Variants in MAML2 observed in about 807,000 individuals in gnomAD.
MAML2 encodes the protein mastermind-like protein 2.
In MAML2, 22 loss-of-function variants were observed where a neutral mutation model predicts 96.1. The observed-to-expected ratio is 0.23, with a 90% CI of 0.16 to 0.33. MAML2 has a LOEUF of 0.33. Among genes scored for constraint, MAML2 ranks in the 10% least tolerant of loss-of-function variants. The pLI is 1.00. For synonymous variants in MAML2, 561 were observed against 521.3 expected (o/e 1.08, Z -1.04); for missense variants, 1,367 against 1,392.4 (o/e 0.98, Z 0.29).
At chr11:96,087,774 C>G (rs1046629116) in intron 2 of MAML2, among the ~76,000 whole-genome samples, 1 of 152,212 alleles carries the variant, frequency 6.6e-6, no homozygotes, top group African/African-American at 2.4e-5. Flanking sequence ...CTGGCACCAG[C>G]CTAATTGGGT....
chr11:96,284,672 C>G (rs73531120), intron 1 of MAML2, among the ~76,000 whole-genome samples: 3,534 of 152,284 alleles, frequency 0.023, 119 homozygotes, highest in African/African-American at 0.08. Flanking sequence ...GACCAGAACT[C>G]TGCTAGCAAA....
At position 96,333,834 on chromosome 11, in the gene MAML2, A is replaced by G. The variant is rs1234962074; in HGVS notation, c.513+7549T>C. 2.6e-5 allele frequency among the ~76,000 whole-genome samples: 4 copies of G among 152,262 alleles called. No individual in the cohort carries two copies. In the East Asian group the frequency reaches 7.7e-4, roughly 29 times the overall value. On this transcript the variant is annotated intron_variant, in intron 1 of 4. Transcript: ENST00000524717. ...AATTATTCATTAATTTCAATTAATA[A>G]TTCAATTAAATTGGTAAGTTTGTCT...
At chr11:96,149,087 T>G (rs1860875157) in intron 1 of MAML2, among the ~76,000 whole-genome samples, 1 of 152,138 alleles carries the variant, frequency 6.6e-6, no homozygotes, top group African/African-American at 2.4e-5. Context: ...CCCAGTCATG[T>G]GCCTCATCCA....
At chr11:96,093,910 C>G (rs1163034096) in intron 1 of MAML2, among the ~76,000 whole-genome samples, 1 of 152,206 alleles carries the variant, frequency 6.6e-6, no homozygotes, top group Non-Finnish European at 1.5e-5. Context: ...CTCGCAGCTA[C>G]AGATGATCAG....
intron 1 of MAML2, among the ~76,000 whole-genome samples, chr11:96,276,651 T>C (rs1208837992): frequency 2.0e-5 from 3 of 151,900 alleles, no homozygotes; most frequent in Non-Finnish European, 4.4e-5. Flanking sequence ...CGTAGTTAAA[T>C]GGATCCACAC....
chr11:96,241,107 G>A (rs368271431), intron 1 of MAML2, among the ~76,000 whole-genome samples: 306 of 152,226 alleles, frequency 2.0e-3, no homozygotes, highest in African/African-American at 3.1e-3. Context: ...CAACACCATC[G>A]GCTGTTGTGA....
chr11:96,301,360 A>C (rs906631206), intron 1 of MAML2, among the ~76,000 whole-genome samples: 17 of 152,196 alleles, frequency 1.1e-4, no homozygotes, highest in African/African-American at 3.9e-4. Context: ...GTACAACTGG[A>C]GAATGAGGGC....
chr11:96,008,643 C>G (rs928979881), intron 2 of MAML2, among the ~76,000 whole-genome samples: 2 of 152,186 alleles, frequency 1.3e-5, no homozygotes, highest in African/African-American at 4.8e-5. Flanking sequence ...GTTTTAAAAA[C>G]AGCCCTCTTC....
At chr11:96,149,027 G>C (rs1000205912) in intron 1 of MAML2, among the ~76,000 whole-genome samples, 1 of 152,136 alleles carries the variant, frequency 6.6e-6, no homozygotes, top group Non-Finnish European at 1.5e-5. Flanking sequence ...CCCTCTTAAA[G>C]GTTCCAGTAG....
rs1590994455 is a variant in MAML2 at position 96,072,134 on chromosome 11, C to G, written c.2139+19758G>C. The stretch of plus-strand genomic sequence containing the variant: ...AAAATTTCAAGTAGCTATAGAATAT[C>G]TCTAATTCCTCTCTGGCTACCATTA... On this transcript the variant is annotated intron_variant, in intron 2 of 4. Coordinates refer to ENST00000524717, the MANE Select transcript of MAML2 (RefSeq NM_032427.4). Among the ~76,000 whole-genome samples, 5 of 152,018 alleles carry G rather than the reference C, an allele frequency of 3.3e-5. No homozygotes were observed. The South Asian group carries it at 1.0e-3, about 31-fold the overall frequency.
intron 1 of MAML2, among the ~76,000 whole-genome samples, chr11:96,117,266 A>G (rs4753729): frequency 0.38 from 58,160 of 151,338 alleles, 12,138 homozygotes; most frequent in East Asian, 0.74. Flanking sequence ...TGACATACCC[A>G]GTATCTGTCA....
intron 4 of MAML2, among the ~76,000 whole-genome samples, chr11:95,983,417 A>G (rs1857773598): frequency 6.6e-6 from 1 of 152,200 alleles, no homozygotes; most frequent in East Asian, 1.9e-4. Flanking sequence ...GTGGGGAGAA[A>G]AAGCTAGACA....
chr11:96,143,692 T>C lies in MAML2; in HGVS notation c.514-50175A>G, dbSNP rs76758179. ...CAACATTAATTCCTTGCACATATTT[T>C]GTGCTTTTAGACTCCAAGAATGATA... is the stretch of plus-strand genomic sequence containing the variant. On this transcript the variant is annotated intron_variant, in intron 1 of 4. Transcript: ENST00000524717. Among the ~76,000 whole-genome samples, 750 of 152,340 alleles carry C rather than the reference T, an allele frequency of 4.9e-3. 13 individuals carry two copies. The highest frequency in any genetic ancestry group is 0.016 in the African/African-American group (665 of 41,574).
At chr11:96,183,372 C>T (rs1440474033) in intron 1 of MAML2, among the ~76,000 whole-genome samples, 4 of 149,160 alleles carry the variant, frequency 2.7e-5, no homozygotes, top group African/African-American at 7.5e-5. Context: ...CTCTTCCTTC[C>T]TCCTTCCCTT....
chr11:96,283,931 T>A (rs971768264), intron 1 of MAML2, among the ~76,000 whole-genome samples: 1 of 152,210 alleles, frequency 6.6e-6, no homozygotes, highest in Non-Finnish European at 1.5e-5. Context: ...CCTCATCTCC[T>A]ACTTAATCCA....
chr11:96,153,127 G>A (rs1860950282), intron 1 of MAML2, among the ~76,000 whole-genome samples: 1 of 151,746 alleles, frequency 6.6e-6, no homozygotes, highest in South Asian at 2.1e-4. Context: ...ATAAAATTTA[G>A]GCCCCATCTG....
intron 2 of MAML2, among the ~76,000 whole-genome samples, chr11:96,006,916 C>T (rs1053531879): frequency 8.9e-5 from 13 of 145,926 alleles, no homozygotes; most frequent in South Asian, 2.2e-4. Context: ...CACACACACA[C>T]GAGTATTTTA....
chr11:96,018,424 A>G (rs1042366971), intron 2 of MAML2, among the ~76,000 whole-genome samples: 1 of 152,192 alleles, frequency 6.6e-6, no homozygotes, highest in African/African-American at 2.4e-5. Context: ...TTTGGATGCT[A>G]TCACCTAGGG....
chr11:96,098,844 G>T lies in MAML2; in HGVS notation c.514-5327C>A, dbSNP rs997108105. Among the ~76,000 whole-genome samples the T allele has an allele frequency of 7.9e-5, 12 of 152,208 alleles. No homozygotes were observed. In the East Asian group the frequency reaches 2.1e-3, roughly 27 times the overall value. On this transcript the variant is annotated intron_variant, in intron 1 of 4. Transcript: ENST00000524717. ...CTGGGGCTGGGGTCCTCAGTAAACT[G>T]CTTCTTTTTAAGTAGCTATGCTTCA...
Sources: gnomAD v4.1 joint callset for allele counts (sites outside exome capture counted in the v4.1 genomes callset) on GRCh38, gnomAD v4.1.1 for gene constraint, MANE v1.5 for transcripts, NCBI Gene and HGNC (gene_info 2026-07-23, HGNC 2026-07-21) for gene names.